The following ASPH variants were observed in gnomAD, a reference collection of about 807,000 sequenced individuals.
ASPH encodes the protein aspartyl/asparaginyl beta-hydroxylase.
ASPH carries 100 observed loss-of-function variants against 118.4 expected under a neutral mutation model. The observed-to-expected ratio is 0.84, with a 90% confidence interval of 0.72 to 1.00. The LOEUF is 1.00. Among genes scored for constraint, ASPH ranks in the 50% least tolerant of loss-of-function variants. The pLI, the probability that ASPH is intolerant of heterozygous loss-of-function variation, is 0.00. For synonymous variants in ASPH, 315 were observed against 325.6 expected (o/e 0.97, Z 0.35); for missense variants, 920 against 919.5 (o/e 1.00, Z -0.01).
At position 61,638,377 on chromosome 8, in the gene ASPH, A is replaced by AC. The variant is rs775859325; in HGVS notation, c.791-15_791-14insG. The AC allele has an allele frequency of 1.1e-3, 1,700 of 1,552,108 alleles. No individual in the cohort carries two copies. Among genetic ancestry groups the AC allele is most frequent in the Admixed American group, 2.0e-3 (105 of 51,646 alleles). ...GTTCATATACTGCTAAAAAAAAAAA[A>AC]ACAGAAACAAAATCCCGTAACTTTC... On this transcript the variant is annotated splice_polypyrimidine_tract_variant and intron_variant, in intron 10 of 24. Transcript: ENST00000379454.
At chr8:61,707,157 G>A (rs184162325) in intron 1 of ASPH, among the ~76,000 whole-genome samples, 184 of 151,730 alleles carry the variant, frequency 1.2e-3, no homozygotes, top group Admixed American at 2.2e-3. Flanking sequence ...GTTCAACAAC[G>A]TATACCATAA....
chr8:61,598,465 C>CAT (rs1370259954), intron 14 of ASPH, among the ~76,000 whole-genome samples: 2 of 152,138 alleles, frequency 1.3e-5, no homozygotes, highest in African/African-American at 4.8e-5. Context: ...CATAATTCCA[C>CAT]ATATATATGC....
intron 3 of ASPH, among the ~76,000 whole-genome samples, chr8:61,677,476 T>C (rs541925397): frequency 2.0e-5 from 3 of 151,986 alleles, no homozygotes; most frequent in Non-Finnish European, 4.4e-5. Flanking sequence ...TGTCTCCATG[T>C]AGTATAACTA....
intron 20 of ASPH, among the ~76,000 whole-genome samples, chr8:61,550,095 C>G (rs1007594252): frequency 2.0e-5 from 3 of 152,058 alleles, no homozygotes; most frequent in African/African-American, 7.2e-5. Flanking sequence ...AGTGATATAT[C>G]AGAAATTTTT....
In ASPH at chr8:61,714,486, T is replaced by C. The variant is rs1416177386; in HGVS notation, c.-115A>G. 2 of 1,335,788 alleles carry C rather than the reference T, an allele frequency of 1.5e-6. No individual in the cohort carries two copies. The highest frequency in any genetic ancestry group is 6.2e-5 in the East Asian group (2 of 32,084). The allele number at this position is 1,335,788 out of a possible 1,614,324, so 82.7% of individuals were successfully genotyped here. ...GGCCGCTGGAGCGGGTTCGGGCCGC[T>C]GCTCCTGCAGCAGACCCTGTGCCTC... On this transcript the variant is annotated 5_prime_UTR_variant, in exon 1 of 25. Transcript: ENST00000379454.
chr8:61,695,897 C>A (rs1833823775), intron 1 of ASPH, among the ~76,000 whole-genome samples: 1 of 152,182 alleles, frequency 6.6e-6, no homozygotes, highest in South Asian at 2.1e-4. Context: ...GTTGTTTGGG[C>A]TGTCAAGTCA....
At chr8:61,518,180 C>T in intron 22 of ASPH, 57 bp from the exon 23 acceptor site, 1 of 1,484,422 alleles carries the variant, frequency 6.7e-7, no homozygotes, top group South Asian at 1.1e-5. Flanking sequence ...AAACTTATCC[C>T]ATTTAGATGA....
intron 24 of ASPH, among the ~76,000 whole-genome samples, chr8:61,505,569 T>C (rs954657981): frequency 2.0e-5 from 3 of 151,922 alleles, no homozygotes; most frequent in African/African-American, 7.3e-5. Context: ...CATGTGGAAC[T>C]GTAAGTGCAA....
intron 21 of ASPH, among the ~76,000 whole-genome samples, chr8:61,535,889 T>C (rs1819303231): frequency 6.6e-6 from 1 of 152,198 alleles, no homozygotes; most frequent in Admixed American, 6.5e-5. Flanking sequence ...TGTAATGCTA[T>C]TGCAGCAAAT....
At chr8:61,586,577 C>T (rs769496103) in intron 14 of ASPH, among the ~76,000 whole-genome samples, 42 of 152,242 alleles carry the variant, frequency 2.8e-4, no homozygotes, top group Non-Finnish European at 5.1e-4. Flanking sequence ...GCCAGTCGCC[C>T]GGCCACACAC....
At chr8:61,712,785 G>A (rs1164911020) in intron 1 of ASPH, among the ~76,000 whole-genome samples, 1 of 152,186 alleles carries the variant, frequency 6.6e-6, no homozygotes, top group Non-Finnish European at 1.5e-5. Context: ...CATATAAAGT[G>A]ACTTCCCTCA....
At position 61,681,048 on chromosome 8, in the gene ASPH, C is replaced by A. The variant is rs140877112; in HGVS notation, c.254-12G>T. The A allele has an allele frequency of 1.3e-6, 2 of 1,571,882 alleles. No homozygotes were observed. The highest frequency in any genetic ancestry group is 4.6e-5 in the East Asian group (2 of 43,578). ...GATTCCTAGTTTTCCTATAATAGGG[C>A]AGAAATGATGGATATGGGAATAAAA... On this transcript the variant is annotated splice_polypyrimidine_tract_variant and intron_variant, in intron 2 of 24. Transcript: ENST00000379454.
chr8:61,639,793 G>A (rs186673345), intron 10 of ASPH, among the ~76,000 whole-genome samples: 275 of 152,218 alleles, frequency 1.8e-3, no homozygotes, highest in Non-Finnish European at 2.3e-3. Context: ...CTATCATCAT[G>A]TAAAGAACTG....
intron 1 of ASPH, among the ~76,000 whole-genome samples, chr8:61,696,438 T>C (rs1833945638): frequency 6.6e-6 from 1 of 152,196 alleles, no homozygotes; most frequent in Non-Finnish European, 1.5e-5. Flanking sequence ...TCTGTGCTAA[T>C]ACCGATTTAC....
intron 14 of ASPH, among the ~76,000 whole-genome samples, chr8:61,596,906 A>T (rs1272823781): frequency 6.6e-6 from 1 of 152,234 alleles, no homozygotes; most frequent in Non-Finnish European, 1.5e-5. Flanking sequence ...ATGAAAAGGA[A>T]ATTATGAAAT....
intron 3 of ASPH, among the ~76,000 whole-genome samples, chr8:61,678,770 C>G (rs1826521199): frequency 6.6e-6 from 1 of 152,110 alleles, no homozygotes; most frequent in African/African-American, 2.4e-5. Flanking sequence ...CCCCTTGGAT[C>G]TCCTGGGCCT....
intron 14 of ASPH, among the ~76,000 whole-genome samples, chr8:61,605,993 C>T (rs1020477110): frequency 6.6e-6 from 1 of 152,196 alleles, no homozygotes; most frequent in Non-Finnish European, 1.5e-5. Context: ...GACAATCTGC[C>T]TCTGGCCTCC....
chr8:61,674,628 G>T (rs1456864002), intron 3 of ASPH, among the ~76,000 whole-genome samples: 1 of 152,154 alleles, frequency 6.6e-6, no homozygotes, highest in African/African-American at 2.4e-5. Flanking sequence ...CAGGTAAATG[G>T]TGGGCAGAGG....
At chr8:61,545,892 G>A (rs1330878186) in intron 21 of ASPH, among the ~76,000 whole-genome samples, 1 of 152,104 alleles carries the variant, frequency 6.6e-6, no homozygotes, top group Non-Finnish European at 1.5e-5. Context: ...GACTTAAATT[G>A]GCTCAATAAG....
Sources: allele counts gnomAD v4.1 joint callset (sites outside exome capture counted in the v4.1 genomes callset), GRCh38; gene constraint gnomAD v4.1.1; transcripts MANE v1.5; gene names NCBI Gene and HGNC (gene_info 2026-07-23, HGNC 2026-07-21).